Variants in PLD1 observed in about 807,000 individuals in gnomAD.
The protein encoded by PLD1 is choline phosphatase 1.
In PLD1, 112 loss-of-function variants were observed where a neutral mutation model predicts 137.1. The ratio of observed to expected loss-of-function variants is 0.82; its 90% CI spans 0.70 to 0.96. The LOEUF (loss-of-function observed/expected upper bound fraction) is 0.96, where lower values mean the gene tolerates loss of function less well. PLD1 is among the 40% of genes least tolerant of loss of function. The pLI is 0.00. For missense variants in PLD1, 1,321 were observed against 1,342.0 expected, an observed-to-expected ratio of 0.98 and a Z score of 0.24; for synonymous variants, 431 against 454.7, an observed-to-expected ratio of 0.95 and a Z score of 0.66.
chr3:171,785,868 C>G (rs1722993799), intron 1 of PLD1, among the ~76,000 whole-genome samples: 2 of 152,242 alleles, frequency 1.3e-5, no homozygotes, highest in Admixed American at 1.3e-4. Flanking sequence ...TGGGCAGAGG[C>G]TGCTTCTTTC....
chr3:171,609,725 T>TAAC (rs1732506908), intron 25 of PLD1, among the ~76,000 whole-genome samples: 1 of 152,122 alleles, frequency 6.6e-6, no homozygotes, highest in Non-Finnish European at 1.5e-5. Context: ...CAGAGTGGAA[T>TAAC]AACTGACGTT....
intron 8 of PLD1, among the ~76,000 whole-genome samples, chr3:171,720,417 C>A (rs1469302377): frequency 1.3e-5 from 2 of 151,618 alleles, no homozygotes; most frequent in Non-Finnish European, 2.9e-5. Context: ...CCCGTCTCTA[C>A]TAAAAATACA....
At position 171,724,717 on chromosome 3, in the gene PLD1, G is replaced by T; in HGVS notation, c.737C>A (p.Ala246Asp). 6.2e-7 allele frequency: 1 copy of T among 1,606,244 alleles called. No homozygotes were observed. The change falls in exon 8 of 27, where the codon GCC becomes GAC. Residue 246 changes from alanine to aspartate, a missense_variant. Transcript: ENST00000351298. ...CTACCTTTTTGACCATCTGTAGCAG[G>T]CTCTTCCCTGACCACAGCAATTCAA... ...PGLNCCGQGR[A>D]CYRWSKRWLI...
At chr3:171,754,648 G>A (rs914871335) in intron 1 of PLD1, among the ~76,000 whole-genome samples, 1 of 152,154 alleles carries the variant, frequency 6.6e-6, no homozygotes, top group African/African-American at 2.4e-5. Context: ...GTCAATTCTG[G>A]CTAATTTTAA....
In PLD1 at chr3:171,709,606, G is replaced by A; in HGVS notation, c.1015C>T (p.Arg339Ter). The change falls in exon 10 of 27, where the codon CGA (arginine) becomes TGA (stop). Residue 339 changes from arginine (R) to a stop codon, truncating the protein, a stop_gained. Coordinates refer to ENST00000351298, the MANE Select transcript of PLD1 (RefSeq NM_002662.5). LOFTEE classifies it high-confidence loss of function. ...KHGTNFLKDH[R>*]FGSYAAIQEN... is the part of the protein sequence containing the mutation. ...TGGATAGCAGCATATGACCCAAATC[G>A]ATGATCTTTGAGAAAGTTGGTGCCA... 6.2e-7 allele frequency: 1 copy of A among 1,613,846 alleles called. No individual in the cohort carries two copies. Among genetic ancestry groups the A allele is most frequent in the Non-Finnish European group, 8.5e-7 (1 of 1,179,818 alleles).
At chr3:171,659,079 A>G in intron 21 of PLD1, 134 bp downstream of exon 21, 2 of 673,926 alleles carry the variant, frequency 3.0e-6, no homozygotes, top group South Asian at 3.6e-5. Context: ...TAAAGGCATC[A>G]ATAACCTATT....
chr3:171,686,494 A>G (rs191067413), intron 16 of PLD1, among the ~76,000 whole-genome samples, 191 bp downstream of exon 16: 25 of 152,316 alleles, frequency 1.6e-4, no homozygotes, highest in African/African-American at 5.1e-4. Flanking sequence ...CTTTGCTGCT[A>G]TAAGTTCTTA....
intron 23 of PLD1, among the ~76,000 whole-genome samples, chr3:171,627,501 A>T (rs1734229351): frequency 6.6e-6 from 1 of 152,170 alleles, no homozygotes; most frequent in African/African-American, 2.4e-5. Flanking sequence ...GCTCTGCACC[A>T]AGCGGACCTA....
At chr3:171,751,942 G>T (rs907590005) in intron 1 of PLD1, among the ~76,000 whole-genome samples, 2 of 151,702 alleles carry the variant, frequency 1.3e-5, no homozygotes, top group African/African-American at 4.8e-5. Flanking sequence ...GGTGGAGCTT[G>T]CAGTGAGCCG....
chr3:171,756,677 A>G (rs1721057322), intron 1 of PLD1, among the ~76,000 whole-genome samples: 1 of 152,254 alleles, frequency 6.6e-6, no homozygotes, highest in African/African-American at 2.4e-5. Flanking sequence ...CATACGATGT[A>G]ATCAGGATGT....
chr3:171,790,186 G>A (rs1024281119), intron 1 of PLD1, among the ~76,000 whole-genome samples: 1 of 152,190 alleles, frequency 6.6e-6, no homozygotes, highest in Non-Finnish European at 1.5e-5. Flanking sequence ...GGCCCTCCCT[G>A]GATTCAGAGA....
chr3:171,739,143 C>G (rs775647579), intron 1 of PLD1, among the ~76,000 whole-genome samples: 5 of 152,164 alleles, frequency 3.3e-5, no homozygotes, highest in African/African-American at 4.8e-5. Context: ...AAAGTTCACC[C>G]CTGGCCTCCT....
At chr3:171,656,005 A>G (rs770355568) in intron 21 of PLD1, among the ~76,000 whole-genome samples, 57 of 152,156 alleles carry the variant, frequency 3.7e-4, no homozygotes, top group Non-Finnish European at 6.6e-4. Context: ...GTCAAACTCC[A>G]AGTGTAAGAT....
At chr3:171,744,529 G>C (rs1418541214) in intron 1 of PLD1, among the ~76,000 whole-genome samples, 1 of 152,080 alleles carries the variant, frequency 6.6e-6, no homozygotes, top group Non-Finnish European at 1.5e-5. Context: ...CTTCTCTCCT[G>C]GTTTTATATC....
chr3:171,665,412 T>C (rs1036682080), intron 19 of PLD1, among the ~76,000 whole-genome samples: 1 of 152,072 alleles, frequency 6.6e-6, no homozygotes, highest in Admixed American at 6.6e-5. Context: ...AAGAAGACCA[T>C]TTTATGGCCA....
At chr3:171,687,104 T>C (rs918255010) in intron 15 of PLD1, among the ~76,000 whole-genome samples, 3 of 152,262 alleles carry the variant, frequency 2.0e-5, no homozygotes, top group Admixed American at 6.5e-5. Context: ...TGGCATATTT[T>C]AGAAACCCTT....
chr3:171,807,126 G>A (rs998763492), intron 1 of PLD1, among the ~76,000 whole-genome samples: 4 of 152,136 alleles, frequency 2.6e-5, no homozygotes, highest in Admixed American at 6.5e-5. Context: ...TAGCAACACA[G>A]TGAGACGCCA....
intron 7 of PLD1, among the ~76,000 whole-genome samples, chr3:171,725,375 G>A (rs1225830558): frequency 6.6e-6 from 1 of 152,094 alleles, no homozygotes; most frequent in African/African-American, 2.4e-5. Context: ...CCCAGTTCTA[G>A]CAAACTAGTT....
intron 6 of PLD1, among the ~76,000 whole-genome samples, chr3:171,726,336 GGA>G (rs140543382): frequency 4.0e-5 from 6 of 150,656 alleles, no homozygotes; most frequent in Non-Finnish European, 8.9e-5. Context: ...CAAGAAGCTT[GGA>G]GAGAGAGAGA....
Sources: allele counts gnomAD v4.1 joint callset (sites outside exome capture counted in the v4.1 genomes callset), GRCh38; gene constraint gnomAD v4.1.1; transcripts MANE v1.5; gene names NCBI Gene and HGNC (gene_info 2026-07-23, HGNC 2026-07-21).